SEMA3A: variants seen among roughly 807,000 people sequenced by gnomAD.
The protein encoded by SEMA3A is semaphorin 3A.
In SEMA3A, 29 loss-of-function variants were observed where a neutral mutation model predicts 97.9. The observed-to-expected ratio is 0.30, with a 90% CI of 0.22 to 0.40. The LOEUF (loss-of-function observed/expected upper bound fraction) is 0.40. SEMA3A is among the 10% of genes least tolerant of loss of function. The probability of loss-of-function intolerance (pLI) is 1.00; values close to 1 mark genes in which losing one functional copy is unlikely to be tolerated. For synonymous variants in SEMA3A, 321 were observed against 323.7 expected (o/e 0.99, Z 0.09); for missense variants, 763 against 951.3 (o/e 0.80, Z 2.60).
chr7:84,317,324 T>C lies in SEMA3A; in HGVS notation c.-168-10032A>G, dbSNP rs1801533655. 2.6e-5 allele frequency among the ~76,000 whole-genome samples: 4 copies of C among 152,280 alleles called. No individual in the cohort carries two copies. The South Asian group carries it at 8.3e-4, about 32-fold the overall frequency. On this transcript the variant is annotated intron_variant, in intron 2 of 3. Transcript: ENST00000424555. ...ATTTTCTACAGATAAAAGTACTGTGTGTAGAGAATAAAATATGGACTATAT... is the reference window on the plus strand; with the variant it reads ...ATTTTCTACAGATAAAAGTACTGTGCGTAGAGAATAAAATATGGACTATAT...
chr7:84,050,600 T>C (rs1183776138), intron 5 of SEMA3A, among the ~76,000 whole-genome samples: 2 of 152,156 alleles, frequency 1.3e-5, no homozygotes, highest in African/African-American at 4.8e-5. Context: ...TTGTAGATTC[T>C]GGATATTAGC....
At chr7:84,164,056 G>C (rs1490648954) in intron 1 of SEMA3A, among the ~76,000 whole-genome samples, 1 of 152,012 alleles carries the variant, frequency 6.6e-6, no homozygotes, top group East Asian at 1.9e-4. Flanking sequence ...TGTTGGTCAG[G>C]CTGGTCTCGA....
intron 11 of SEMA3A, among the ~76,000 whole-genome samples, chr7:84,004,314 A>C (rs911985555): frequency 6.6e-6 from 1 of 152,152 alleles, no homozygotes; most frequent in Non-Finnish European, 1.5e-5. Flanking sequence ...CATTCTGAAA[A>C]TATACCTGAA....
At chr7:84,435,941 CT>C (rs1322972574) in intron 1 of SEMA3A, among the ~76,000 whole-genome samples, 1 of 152,122 alleles carries the variant, frequency 6.6e-6, no homozygotes, top group African/African-American at 2.4e-5. Flanking sequence ...TGCTGTAAGG[CT>C]ACAGTATCCG....
chr7:84,322,809 T>G (rs1331844056), intron 2 of SEMA3A, among the ~76,000 whole-genome samples: 1 of 152,224 alleles, frequency 6.6e-6, no homozygotes, highest in African/African-American at 2.4e-5. Flanking sequence ...ATTTAAAAAA[T>G]GTGAAATCAC....
intron 1 of SEMA3A, among the ~76,000 whole-genome samples, chr7:84,448,661 TA>T (rs1314122998): frequency 4.0e-5 from 6 of 151,576 alleles, no homozygotes; most frequent in African/African-American, 9.7e-5. Context: ...CAATGAACAT[TA>T]AAAAAAGTAA....
At chr7:83,986,345 T>C (rs1789634359) in intron 12 of SEMA3A, among the ~76,000 whole-genome samples, 2 of 152,176 alleles carry the variant, frequency 1.3e-5, no homozygotes, top group African/African-American at 4.8e-5. Context: ...TTAATGTCTA[T>C]TAACAGGTTA....
At chr7:84,443,210 A>G (rs887921477) in intron 1 of SEMA3A, among the ~76,000 whole-genome samples, 2 of 152,322 alleles carry the variant, frequency 1.3e-5, no homozygotes, top group African/African-American at 2.4e-5. Context: ...ATTTCAGGAT[A>G]TATCATACAT....
chr7:84,162,704 T>A (rs1797076448), intron 1 of SEMA3A, among the ~76,000 whole-genome samples: 1 of 152,120 alleles, frequency 6.6e-6, no homozygotes, highest in Non-Finnish European at 1.5e-5. Context: ...TACTGTTAAC[T>A]TACCCATAAA....
chr7:84,355,263 G>A (rs1802529597), intron 2 of SEMA3A, among the ~76,000 whole-genome samples: 1 of 151,812 alleles, frequency 6.6e-6, no homozygotes, highest in East Asian at 1.9e-4. Flanking sequence ...ATAAACTAGA[G>A]ATGAAGGCCA....
chr7:84,173,433 C>G (rs998721514), intron 1 of SEMA3A, among the ~76,000 whole-genome samples: 3 of 151,762 alleles, frequency 2.0e-5, no homozygotes, highest in African/African-American at 7.3e-5. Flanking sequence ...GTGGCGCATG[C>G]CTTTAATCTC....
chr7:84,047,411 T>C (rs1436639840), intron 5 of SEMA3A, among the ~76,000 whole-genome samples: 1 of 152,066 alleles, frequency 6.6e-6, no homozygotes, highest in Admixed American at 6.6e-5. Context: ...GTTATCCTTA[T>C]TTTACAGTTC....
upstream of SEMA3A, among the ~76,000 whole-genome samples, chr7:84,196,472 G>A (rs1366053354): frequency 2.0e-5 from 3 of 152,102 alleles, no homozygotes; most frequent in East Asian, 5.8e-4. Flanking sequence ...GGAGAATGGG[G>A]AAAAGGGAGT....
chr7:84,219,880 G>A lies in SEMA3A; in HGVS notation c.-82-25212C>T, dbSNP rs375651095. Among the ~76,000 whole-genome samples the A allele has an allele frequency of 2.0e-5, 3 of 152,114 alleles. 1 individual carries two copies. The highest frequency in any genetic ancestry group is 4.1e-4 in the South Asian group (2 of 4,826). ...CTGCTAGCTCTTTTTCTGGTGAAGG[G>A]TCTTGACTTAATGTTGACGGCTGCT... On this transcript the variant is annotated intron_variant, in intron 3 of 3. Coordinates refer to the SEMA3A transcript ENST00000424555.
At chr7:84,102,201 G>T (rs943551759) in intron 4 of SEMA3A, among the ~76,000 whole-genome samples, 2 of 152,114 alleles carry the variant, frequency 1.3e-5, no homozygotes, top group African/African-American at 4.8e-5. Flanking sequence ...TTGTGTTAGT[G>T]ATATCAACTC....
rs117058451 is a variant in SEMA3A, at chr7:84,386,393, C to G, written c.-245-14493G>C. ...ACACAAGGCCTCCTAGTAACCACAG[C>G]AGGGAGGGAGACAGACTGAAAAATG... On this transcript the variant is annotated intron_variant, in intron 1 of 3. Coordinates refer to the SEMA3A transcript ENST00000424555. Among the ~76,000 whole-genome samples, 386 of 152,234 alleles carry G rather than the reference C, an allele frequency of 2.5e-3. 12 individuals are homozygous for G. In the East Asian group the frequency reaches 0.056, roughly 22 times the overall value.
In SEMA3A at chr7:83,970,466, T is replaced by A. The variant is rs530566713; in HGVS notation, c.1717+6666A>T. 3.9e-5 allele frequency among the ~76,000 whole-genome samples: 6 copies of A among 152,278 alleles called. No individual in the cohort carries two copies. The South Asian group carries it at 1.2e-3, about 32-fold the overall frequency. On this transcript the variant is annotated intron_variant, in intron 15 of 16. Coordinates refer to ENST00000265362, the MANE Select transcript of SEMA3A (RefSeq NM_006080.3). ...ATTTCAGCTTTCTATTTATTCACTC[T>A]CCATTTTAACCCCATAAATGTCTCG...
intron 3 of SEMA3A, among the ~76,000 whole-genome samples, chr7:84,299,178 C>T (rs1200750810): frequency 6.6e-6 from 1 of 151,428 alleles, no homozygotes; most frequent in Non-Finnish European, 1.5e-5. Flanking sequence ...TGGGGCTTTA[C>T]CTTGTGATCC....
At chr7:84,312,901 T>C (rs1801369520) in intron 2 of SEMA3A, among the ~76,000 whole-genome samples, 2 of 81,270 alleles carry the variant, frequency 2.5e-5, no homozygotes, top group Admixed American at 1.3e-4. Context: ...TATATATATA[T>C]ATATATATAT....
Sources: gnomAD v4.1 joint callset for allele counts (sites outside exome capture counted in the v4.1 genomes callset) on GRCh38, gnomAD v4.1.1 for gene constraint, MANE v1.5 for transcripts, NCBI Gene and HGNC (gene_info 2026-07-23, HGNC 2026-07-21) for gene names.